The following LOXL2 variants were observed in gnomAD, a reference collection of about 807,000 sequenced individuals.
LOXL2 encodes lysyl oxidase homolog 2.
A neutral mutation model predicts 93.0 loss-of-function variants in LOXL2; 70 were observed. The observed-to-expected ratio is 0.75, with a 90% CI of 0.62 to 0.92. The LOEUF is 0.92. Ranked by LOEUF, LOXL2 falls within the 40% of genes least tolerant of loss-of-function variation. The probability of loss-of-function intolerance (pLI) is 0.00; values close to 1 mark genes in which losing one functional copy is unlikely to be tolerated. For missense variants in LOXL2, 973 were observed against 1,054.9 expected (o/e 0.92, Z 1.08); for synonymous variants, 438 against 413.2 (o/e 1.06, Z -0.73).
At chr8:23,371,007 C>T (rs1370979269) in intron 1 of LOXL2, 3 of 152,196 alleles carry the variant, frequency 2.0e-5, no homozygotes, top group African/African-American at 4.8e-5. Flanking sequence ...CTGGGCACAT[C>T]GAAATCCAAC....
At chr8:23,302,599 G>A (rs1803155260) in intron 11 of LOXL2, among the ~76,000 whole-genome samples, 1 of 152,224 alleles carries the variant, frequency 6.6e-6, no homozygotes, top group Non-Finnish European at 1.5e-5. Context: ...CATGGTAAGA[G>A]GTCAACACCT....
chr8:23,387,026 A>C (rs1804775315), intron 1 of LOXL2, among the ~76,000 whole-genome samples: 1 of 152,168 alleles, frequency 6.6e-6, no homozygotes, highest in African/African-American at 2.4e-5. Flanking sequence ...TTAATTATTC[A>C]CACAGTTGAG....
At chr8:23,351,852 T>C (rs557311994) in intron 3 of LOXL2, among the ~76,000 whole-genome samples, 3 of 151,700 alleles carry the variant, frequency 2.0e-5, no homozygotes, top group South Asian at 2.1e-4. Context: ...TCTTTTTCTC[T>C]CTTTTTGAGA....
In LOXL2 at chr8:23,340,974, T is replaced by G; in HGVS notation, c.743+18A>C. The G allele has an allele frequency of 5.0e-6, 8 of 1,607,482 alleles. No individual in the cohort carries two copies. Among genetic ancestry groups the G allele is most frequent in the Non-Finnish European group, 6.8e-6 (8 of 1,174,120 alleles). ...GGCGGATACCCTCAAAGCCACCCCT[T>G]TGGTGCAGTCCTCTTACTTGTACAC... On this transcript the variant is annotated intron_variant, in intron 4 of 13. Transcript: ENST00000389131.
At chr8:23,321,368 G>C (rs372318572) in intron 7 of LOXL2, among the ~76,000 whole-genome samples, 2 of 152,210 alleles carry the variant, frequency 1.3e-5, no homozygotes, top group African/African-American at 4.8e-5. Context: ...TGCACTGGGG[G>C]GCTTTTCTCA....
intron 12 of LOXL2, among the ~76,000 whole-genome samples, chr8:23,301,431 A>G (rs937505483): frequency 6.6e-6 from 1 of 152,170 alleles, no homozygotes; most frequent in Non-Finnish European, 1.5e-5. Context: ...AAATCTCGGC[A>G]ACCCCTCTGA....
At position 23,307,953 on chromosome 8, in the gene LOXL2, G is replaced by GA. The variant is rs1554475672; in HGVS notation, c.1880+1714dup. ...GTGACTAGGTCATCAGCTGCGATAT[G>GA]AAAAAAAAAAAAAAAAAAAAGCCAA... On this transcript the variant is annotated intron_variant, in intron 10 of 13. Coordinates refer to ENST00000389131, the MANE Select transcript of LOXL2 (RefSeq NM_002318.3). Among the ~76,000 whole-genome samples, 111 of 83,546 alleles carry GA rather than the reference G, an allele frequency of 1.3e-3. 1 individual carries two copies. The highest frequency in any genetic ancestry group is 4.8e-3 in the African/African-American group (101 of 21,110). The allele number at this position is 83,546 out of a possible 152,430, so 54.8% of individuals were successfully genotyped here.
chr8:23,352,478 C>G (rs1804110614), intron 3 of LOXL2, among the ~76,000 whole-genome samples: 1 of 152,186 alleles, frequency 6.6e-6, no homozygotes, highest in South Asian at 2.1e-4. Context: ...GGATGAGATT[C>G]CTGGCTGGGA....
At chr8:23,369,425 G>A (rs1804463729) in intron 1 of LOXL2, among the ~76,000 whole-genome samples, 1 of 152,158 alleles carries the variant, frequency 6.6e-6, no homozygotes, top group African/African-American at 2.4e-5. Flanking sequence ...ATGAGCAGGT[G>A]GAAGCTTAGG....
chr8:23,355,906 G>A (rs189572916), intron 3 of LOXL2, among the ~76,000 whole-genome samples: 13 of 151,560 alleles, frequency 8.6e-5, no homozygotes, highest in Admixed American at 8.5e-4. Context: ...AACCCAACAG[G>A]CCTTTTAAAA....
At chr8:23,385,743 C>T in intron 1 of LOXL2, 1 of 576,002 alleles carries the variant, frequency 1.7e-6, no homozygotes, top group Admixed American at 3.0e-5. Flanking sequence ...TTTAAATTCC[C>T]TCGTAGCCAC....
chr8:23,335,519 T>C (rs909684225), intron 4 of LOXL2, among the ~76,000 whole-genome samples: 2 of 151,642 alleles, frequency 1.3e-5, no homozygotes, highest in Non-Finnish European at 2.9e-5. Flanking sequence ...GATTCCATGG[T>C]TGGAGTGATG....
At chr8:23,305,095 T>A (rs1563184494) in intron 10 of LOXL2, among the ~76,000 whole-genome samples, 4 of 152,162 alleles carry the variant, frequency 2.6e-5, no homozygotes, top group African/African-American at 9.7e-5. Flanking sequence ...TGAGAAAGTC[T>A]ATTTTGGCTT....
chr8:23,392,909 A>G (rs1183961715), intron 1 of LOXL2, among the ~76,000 whole-genome samples: 1 of 152,236 alleles, frequency 6.6e-6, no homozygotes, highest in African/African-American at 2.4e-5. Flanking sequence ...CTGTATTTCT[A>G]TACAGTCACA....
At chr8:23,369,224 A>G (rs1221366898) in intron 1 of LOXL2, among the ~76,000 whole-genome samples, 1 of 152,212 alleles carries the variant, frequency 6.6e-6, no homozygotes, top group Non-Finnish European at 1.5e-5. Context: ...GCAATGCTAA[A>G]TGAGTTTTAA....
rs750702322 is a variant in LOXL2 at position 23,360,095 on chromosome 8, T to A, written c.526A>T (p.Ile176Leu). ...FKFDNSLINQ[I>L]ENLNIQVEDI... ...ATCAAGAGCACATGACTTGCCTCTA[T>A]CTGGTTGATCAACGAATTGTCAAAT... is the stretch of plus-strand genomic sequence containing the variant. Residue 176 changes from isoleucine to leucine, a missense_variant, in exon 3 of 14, where the codon ATA (isoleucine) becomes TTA (leucine). Transcript: ENST00000389131. 3.2e-5 allele frequency: 51 copies of A among 1,602,256 alleles called. No individual in the cohort carries two copies. Among genetic ancestry groups the A allele is most frequent in the Non-Finnish European group, 4.3e-5 (50 of 1,169,834 alleles).
At chr8:23,402,126 A>T (rs1800159189) in intron 1 of LOXL2, among the ~76,000 whole-genome samples, 1 of 152,110 alleles carries the variant, frequency 6.6e-6, no homozygotes, top group African/African-American at 2.4e-5. Flanking sequence ...ATATACACAT[A>T]CAGGTGTGCA....
intron 10 of LOXL2, 82 bp from the exon 11 acceptor site, chr8:23,303,479 C>T: frequency 1.2e-6 from 1 of 805,842 alleles, no homozygotes; most frequent in Non-Finnish European, 2.1e-6. Context: ...GGCGATTTGC[C>T]TCTGGGAATA....
Position 23,341,320 on chromosome 8 carries a change from G to A in LOXL2, c.532-117C>T, listed in dbSNP as rs868268518. ...CCAGGCCTGCCGCGGGCCTGCCTGT[G>A]CCCTCAGGCCCTGCAGTGAGCTCTG... On this transcript the variant is annotated intron_variant, in intron 3 of 13. Coordinates refer to ENST00000389131, the MANE Select transcript of LOXL2 (RefSeq NM_002318.3). The A allele has an allele frequency of 1.6e-4, 125 of 805,538 alleles. No individual in the cohort carries two copies. In the Middle Eastern group the frequency reaches 1.7e-3, roughly 11 times the overall value. 49.9% of individuals were successfully genotyped at this position (805,538 alleles called of 1,614,324 possible).
Sources: gnomAD v4.1 joint callset for allele counts (sites outside exome capture counted in the v4.1 genomes callset) on GRCh38, gnomAD v4.1.1 for gene constraint, MANE v1.5 for transcripts, NCBI Gene and HGNC (gene_info 2026-07-23, HGNC 2026-07-21) for gene names.